SEC23B: variants seen among roughly 807,000 people sequenced by gnomAD.
The protein encoded by SEC23B is protein transport protein Sec23B.
Under a neutral mutation model 104.3 loss-of-function variants are expected in SEC23B, and 77 were observed. That is an observed-to-expected ratio of 0.74 (90% CI 0.61 to 0.89). The LOEUF is 0.89. SEC23B is among the 40% of genes least tolerant of loss of function. The pLI is 0.00. For synonymous variants in SEC23B, 338 were observed against 332.5 expected (o/e 1.02, Z -0.18); for missense variants, 885 against 949.4 (o/e 0.93, Z 0.89).
chr20:18,516,139 C>T (rs911236559), intron 4 of SEC23B, among the ~76,000 whole-genome samples: 3 of 152,154 alleles, frequency 2.0e-5, no homozygotes, highest in Non-Finnish European at 2.9e-5. Flanking sequence ...TCCCTACTAC[C>T]AGCTGCCCTG....
intron 12 of SEC23B, among the ~76,000 whole-genome samples, chr20:18,537,749 T>A (rs1002657852): frequency 4.0e-5 from 6 of 151,796 alleles, no homozygotes; most frequent in African/African-American, 9.7e-5. Context: ...TAATAAAAAA[T>A]AAATAAATAA....
Position 18,515,723 on chromosome 20 carries a change from A to T in SEC23B, c.353A>T (p.Glu118Val). The stretch of plus-strand genomic sequence containing the variant: ...TTGATGCCCCAGTTTTCTACAATTG[A>T]GTACGTGATACAGGTAATTTCTTTG... The part of the protein sequence containing the change: ...AELMPQFSTI[E>V]YVIQRGAQSP... The change falls in exon 4 of 20, where the codon GAG becomes GTG. Residue 118 changes from glutamate (E) to valine (V), a missense_variant. Coordinates refer to ENST00000650089, the MANE Select transcript of SEC23B (RefSeq NM_006363.6). 2 of 1,591,320 alleles carry T rather than the reference A, an allele frequency of 1.3e-6. No individual in the cohort carries two copies. The highest frequency in any genetic ancestry group is 1.7e-6 in the Non-Finnish European group (2 of 1,159,198).
At chr20:18,508,215 A>G (rs1415471217) in intron 1 of SEC23B, 2 of 152,208 alleles carry the variant, frequency 1.3e-5, no homozygotes, top group Non-Finnish European at 2.9e-5. Flanking sequence ...GGAAGGACCC[A>G]AGTCCCGTTT....
intron 12 of SEC23B, among the ~76,000 whole-genome samples, chr20:18,539,527 A>G (rs920961193): frequency 6.6e-6 from 1 of 150,472 alleles, no homozygotes; most frequent in Non-Finnish European, 1.5e-5. Context: ...AAAAAAAAAA[A>G]AGAGATGGGG....
intron 10 of SEC23B, among the ~76,000 whole-genome samples, chr20:18,531,383 A>G (rs2060185233): frequency 6.6e-6 from 1 of 152,192 alleles, no homozygotes; most frequent in Non-Finnish European, 1.5e-5. Context: ...TGGGCCAGGC[A>G]TGGTGGCTCA....
At chr20:18,550,305 C>T (rs2060376199) in intron 16 of SEC23B, among the ~76,000 whole-genome samples, 1 of 151,888 alleles carries the variant, frequency 6.6e-6, no homozygotes, top group Non-Finnish European at 1.5e-5. Context: ...CAGGCACGTG[C>T]CACTACAGCC....
At chr20:18,537,578 G>A (rs1215978840) in intron 12 of SEC23B, among the ~76,000 whole-genome samples, 3 of 152,016 alleles carry the variant, frequency 2.0e-5, no homozygotes, top group South Asian at 4.1e-4. Context: ...ACACTCTGGG[G>A]ACTGTTGTGG....
intron 12 of SEC23B, among the ~76,000 whole-genome samples, chr20:18,539,301 T>G (rs1027001693): frequency 3.1e-4 from 46 of 150,248 alleles, no homozygotes; most frequent in African/African-American, 1.1e-3. Context: ...GTCAAGAGAT[T>G]GAGACCATCC....
intron 10 of SEC23B, among the ~76,000 whole-genome samples, chr20:18,531,686 A>AT (rs1370047842): frequency 5.1e-4 from 74 of 144,034 alleles, no homozygotes; most frequent in Admixed American, 1.1e-3. Context: ...GCATTTTGAG[A>AT]TTTTTTTTTT....
intron 8 of SEC23B, among the ~76,000 whole-genome samples, 178 bp from the exon 9 acceptor site, chr20:18,527,318 C>T (rs970117401): frequency 6.6e-6 from 1 of 152,168 alleles, no homozygotes; most frequent in South Asian, 2.1e-4. Context: ...CACTTGAACC[C>T]GGGAGGTGGA....
intron 4 of SEC23B, among the ~76,000 whole-genome samples, chr20:18,520,122 A>G (rs553206304): frequency 1.9e-4 from 29 of 152,300 alleles, no homozygotes; most frequent in Admixed American, 1.3e-3. Flanking sequence ...GGAGGGAGGT[A>G]TTGAGGATAG....
In SEC23B at chr20:18,537,472, C is replaced by T. The variant is rs189295151; in HGVS notation, c.1404+1730C>T. On this transcript the variant is annotated intron_variant, in intron 12 of 19. Transcript: ENST00000650089. ...GGATGAAATTGGAAATCATCATTCT[C>T]AGTAAACTATCGCAAGGACAAAAAA... 4.9e-3 allele frequency among the ~76,000 whole-genome samples: 738 copies of T among 151,920 alleles called. 2 individuals are homozygous for T. Among genetic ancestry groups the T allele is most frequent in the Non-Finnish European group, 8.1e-3 (551 of 67,988 alleles).
Position 18,510,678 on chromosome 20 carries a change from A to G in SEC23B, c.-14-144A>G, listed in dbSNP as rs976355145. On this transcript the variant is annotated intron_variant, in intron 1 of 19. Coordinates refer to ENST00000650089, the MANE Select transcript of SEC23B (RefSeq NM_006363.6). ...CTACTTGGGAGGCTGTGGCAGGAGA[A>G]TCGCTTGAACCCGGGAGGTGGAGGC... 9.0e-6 allele frequency: 6 copies of G among 669,716 alleles called. No homozygotes were observed. The African/African-American group carries it at 1.1e-4, about 12-fold the overall frequency. The allele number at this position is 669,716 out of a possible 1,614,324, so 41.5% of individuals were successfully genotyped here. A position where few individuals can be genotyped will look rare whatever the true frequency, so the allele number is the denominator to read the frequency against.
Position 18,513,604 on chromosome 20 carries a change from A to G in SEC23B, c.279+1322A>G, listed in dbSNP as rs116639514. ...ATCATAATTACAATTACTCATTCTC[A>G]GATACAGCATATAAGTCTAGTGATG... is the stretch of plus-strand genomic sequence containing the variant. On this transcript the variant is annotated intron_variant, in intron 3 of 19. Transcript: ENST00000650089. 3.1e-3 allele frequency among the ~76,000 whole-genome samples: 465 copies of G among 152,358 alleles called. 3 individuals are homozygous for G. Among genetic ancestry groups the G allele is most frequent in the African/African-American group, 0.011 (448 of 41,578 alleles).
At chr20:18,547,185 G>A (rs1457465023) in intron 15 of SEC23B, among the ~76,000 whole-genome samples, 1 of 152,222 alleles carries the variant, frequency 6.6e-6, no homozygotes, top group Admixed American at 6.5e-5. Flanking sequence ...CTAGAGCCAG[G>A]CGGCCAGGTG....
intron 12 of SEC23B, among the ~76,000 whole-genome samples, chr20:18,539,564 C>T (rs1190399436): frequency 6.7e-6 from 1 of 149,320 alleles, no homozygotes; most frequent in Non-Finnish European, 1.5e-5. Flanking sequence ...AGACTGGTCT[C>T]AAACTCCTGG....
chr20:18,537,612 A>G (rs62216399), intron 12 of SEC23B, among the ~76,000 whole-genome samples: 325 of 152,178 alleles, frequency 2.1e-3, no homozygotes, highest in Admixed American at 4.1e-3. Context: ...GGGAGGAATA[A>G]CATTAGGAGA....
rs1304114416 is a variant in SEC23B, at chr20:18,524,997, G to A, written c.666G>A (p.Gln222=). 7 of 1,613,984 alleles carry A rather than the reference G, an allele frequency of 4.3e-6. No homozygotes were observed. The highest frequency in any genetic ancestry group is 3.4e-6 in the Non-Finnish European group (4 of 1,180,030). The change falls in exon 6 of 20, where the codon CAG becomes CAA. Residue 222 remains glutamine, a synonymous_variant. Transcript: ENST00000650089. ...PMQQARPAQP[Q]EHPFASSRFL... ...AGCAAGCACGACCTGCACAACCACA[G>A]GAGCACCCTTTTGCTTCAAGCAGGT... is the stretch of plus-strand genomic sequence containing the variant.
rs1418194987 is a variant in SEC23B, at chr20:18,524,619, A to C, written c.553A>C (p.Lys185Gln). The change falls in exon 5 of 20, where the codon AAA becomes CAA. Residue 185 changes from lysine (K) to glutamine (Q), a missense_variant. Coordinates refer to ENST00000650089, the MANE Select transcript of SEC23B (RefSeq NM_006363.6). Reference protein sequence around the residue: ...VHELSCEGISKSYVFRGTKDL... With the variant: ...VHELSCEGISQSYVFRGTKDL... ...TGAGCTAAGCTGTGAAGGAATCTCC[A>C]AAAGTTATGTCTTCCGAGGGACCAA... 6.2e-7 allele frequency: 1 copy of C among 1,614,252 alleles called. No homozygotes were observed. The highest frequency in any genetic ancestry group is 1.1e-5 in the South Asian group (1 of 91,088).
Sources: allele counts gnomAD v4.1 joint callset (sites outside exome capture counted in the v4.1 genomes callset), GRCh38; gene constraint gnomAD v4.1.1; transcripts MANE v1.5; gene names NCBI Gene and HGNC (gene_info 2026-07-23, HGNC 2026-07-21).